The following SOBP variants were observed in gnomAD, a reference collection of about 807,000 sequenced individuals.
SOBP encodes sine oculis binding protein homolog, also known as sine oculis-binding protein homolog.
In SOBP, 4 loss-of-function variants were observed where a neutral mutation model predicts 53.6. The observed-to-expected ratio is 0.07, with a 90% CI of 0.04 to 0.17. SOBP has a LOEUF of 0.17. Among genes scored for constraint, SOBP ranks in the 10% least tolerant of loss-of-function variants. The pLI is 1.00. For missense variants in SOBP, 1,088 were observed against 1,204.7 expected (o/e 0.90, Z 1.43); for synonymous variants, 584 against 522.6 (o/e 1.12, Z -1.60).
chr6:107,630,873 G>A (rs1770688649), intron 5 of SOBP, among the ~76,000 whole-genome samples: 1 of 151,878 alleles, frequency 6.6e-6, no homozygotes, highest in African/African-American at 2.4e-5. Flanking sequence ...CTAACCATAG[G>A]CCTTTGCTTT....
In SOBP at chr6:107,553,589, C is replaced by T. The variant is rs140059050; in HGVS notation, c.573+19979C>T. Among the ~76,000 whole-genome samples, 549 of 151,938 alleles carry T rather than the reference C, an allele frequency of 3.6e-3. 7 individuals are homozygous for T. Among genetic ancestry groups the T allele is most frequent in the African/African-American group, 0.012 (517 of 41,436 alleles). On this transcript the variant is annotated intron_variant, in intron 4 of 6. Coordinates refer to ENST00000317357, the MANE Select transcript of SOBP (RefSeq NM_018013.4). Reference sequence around the variant, plus strand: ...GCAACCTCCGCCTCCCCAGTTCAAGCGATTCTCTGCCTCAGCCTCCCAAGT... The same window carrying T: ...GCAACCTCCGCCTCCCCAGTTCAAGTGATTCTCTGCCTCAGCCTCCCAAGT...
intron 4 of SOBP, among the ~76,000 whole-genome samples, chr6:107,540,605 A>G (rs1484844980): frequency 6.6e-6 from 1 of 152,248 alleles, no homozygotes; most frequent in Non-Finnish European, 1.5e-5. Flanking sequence ...CTCTGCTACA[A>G]GCTCTGTGAG....
intron 6 of SOBP, among the ~76,000 whole-genome samples, chr6:107,646,598 G>A (rs1213033463): frequency 3.3e-5 from 5 of 152,214 alleles, no homozygotes; most frequent in South Asian, 2.1e-4. Flanking sequence ...GGCTCAGGGG[G>A]CTTGCTCTAT....
chr6:107,539,736 G>C (rs1784100500), intron 4 of SOBP, among the ~76,000 whole-genome samples: 2 of 152,166 alleles, frequency 1.3e-5, no homozygotes, highest in African/African-American at 4.8e-5. Context: ...CTATTTATTT[G>C]GGACGAACAT....
intron 5 of SOBP, among the ~76,000 whole-genome samples, chr6:107,625,669 G>A (rs888933798): frequency 6.6e-5 from 10 of 152,226 alleles, no homozygotes; most frequent in African/African-American, 2.4e-4. Flanking sequence ...AGGGAGTGAG[G>A]AGGCTGGAAG....
intron 4 of SOBP, among the ~76,000 whole-genome samples, chr6:107,582,630 A>C (rs1406575588): frequency 6.6e-6 from 1 of 152,192 alleles, no homozygotes; most frequent in African/African-American, 2.4e-5. Flanking sequence ...ATTTGTAGTA[A>C]AATGCAAAAA....
At chr6:107,645,661 A>G (rs1771523243) in intron 6 of SOBP, among the ~76,000 whole-genome samples, 1 of 152,234 alleles carries the variant, frequency 6.6e-6, no homozygotes, top group Non-Finnish European at 1.5e-5. Context: ...CCAAGTGCCT[A>G]GCACAGGGGC....
intron 4 of SOBP, among the ~76,000 whole-genome samples, chr6:107,581,808 G>A (rs1212648290): frequency 6.6e-6 from 1 of 152,114 alleles, no homozygotes; most frequent in African/African-American, 2.4e-5. Context: ...TAAAATCAAT[G>A]GCCCCTTTTT....
intron 5 of SOBP, among the ~76,000 whole-genome samples, chr6:107,609,495 T>C (rs1458159861): frequency 6.6e-6 from 1 of 152,182 alleles, no homozygotes; most frequent in Non-Finnish European, 1.5e-5. Context: ...CTGTGGATAG[T>C]AGAGAGAAAT....
intron 5 of SOBP, among the ~76,000 whole-genome samples, chr6:107,631,208 C>A (rs1276192825): frequency 6.6e-6 from 1 of 151,918 alleles, no homozygotes; most frequent in Non-Finnish European, 1.5e-5. Context: ...TCCCTTATGG[C>A]TAAAAAATAA....
chr6:107,587,842 A>G (rs1583242613), intron 5 of SOBP, among the ~76,000 whole-genome samples: 2 of 152,186 alleles, frequency 1.3e-5, no homozygotes, highest in East Asian at 3.9e-4. Flanking sequence ...TATTTCTATT[A>G]AATGAATCTG....
At chr6:107,523,395 A>G (rs886995070) in intron 3 of SOBP, among the ~76,000 whole-genome samples, 1 of 152,246 alleles carries the variant, frequency 6.6e-6, no homozygotes, top group Non-Finnish European at 1.5e-5. Flanking sequence ...TTTTGTTGAA[A>G]TGTTCTAGTA....
At chr6:107,525,179 T>A (rs1783626622) in intron 3 of SOBP, among the ~76,000 whole-genome samples, 1 of 152,192 alleles carries the variant, frequency 6.6e-6, no homozygotes, top group African/African-American at 2.4e-5. Context: ...TCCTTTCCTA[T>A]TCCAGTTTCT....
chr6:107,641,255 G>A (rs1205372215), intron 6 of SOBP, among the ~76,000 whole-genome samples: 1 of 152,230 alleles, frequency 6.6e-6, no homozygotes, highest in East Asian at 1.9e-4. Flanking sequence ...GCTACATCAT[G>A]TAGCACTTGC....
chr6:107,560,468 T>C (rs1164920751), intron 4 of SOBP, among the ~76,000 whole-genome samples: 1 of 152,122 alleles, frequency 6.6e-6, no homozygotes, highest in Non-Finnish European at 1.5e-5. Flanking sequence ...CTCCTTCAAG[T>C]ACCTGACTGT....
chr6:107,528,300 T>C (rs534378853), intron 3 of SOBP, among the ~76,000 whole-genome samples: 1 of 152,186 alleles, frequency 6.6e-6, no homozygotes, highest in Non-Finnish European at 1.5e-5. Context: ...AGCTAGGATA[T>C]TCTTATTGGC....
At chr6:107,579,702 A>G (rs1172664953) in intron 4 of SOBP, among the ~76,000 whole-genome samples, 1 of 152,142 alleles carries the variant, frequency 6.6e-6, no homozygotes, top group Non-Finnish European at 1.5e-5. Flanking sequence ...ATTTAAGGAG[A>G]TTCTCATGGA....
At chr6:107,615,397 G>C (rs1221458133) in intron 5 of SOBP, among the ~76,000 whole-genome samples, 1 of 152,156 alleles carries the variant, frequency 6.6e-6, no homozygotes, top group African/African-American at 2.4e-5. Context: ...TTATTACTCT[G>C]TTTTCCAAGT....
At position 107,503,679 on chromosome 6, in the gene SOBP, A is replaced by G; in HGVS notation, c.119A>G (p.Asn40Ser). The G allele has an allele frequency of 6.2e-7, 1 of 1,614,204 alleles. No individual in the cohort carries two copies. The highest frequency in any genetic ancestry group is 2.2e-5 in the East Asian group (1 of 44,878). ...EMKNFAENTM[N>S]ELLGWYGYDK... is the part of the protein sequence containing the mutation. Reference sequence around the variant, plus strand: ...CAGAACTTTGCAGAAAACACCATGAATGAACTCCTTGGCTGGTATGGCTAT... The same window carrying G: ...CAGAACTTTGCAGAAAACACCATGAGTGAACTCCTTGGCTGGTATGGCTAT... Residue 40 changes from asparagine to serine, a missense_variant, in exon 2 of 7, where the codon AAT (asparagine) becomes AGT (serine). By Grantham distance (46) the Asn-to-Ser change is conservative. Coordinates refer to ENST00000317357, the MANE Select transcript of SOBP (RefSeq NM_018013.4).
Sources: allele counts gnomAD v4.1 joint callset (sites outside exome capture counted in the v4.1 genomes callset), GRCh38; gene constraint gnomAD v4.1.1; transcripts MANE v1.5; gene names NCBI Gene and HGNC (gene_info 2026-07-23, HGNC 2026-07-21).